The following SULT4A1 variants were observed in gnomAD, a reference collection of about 807,000 sequenced individuals.
The protein encoded by SULT4A1 is sulfotransferase 4A1.
A neutral mutation model predicts 35.2 loss-of-function variants in SULT4A1; 11 were observed. The observed-to-expected ratio is 0.31, with a 90% CI of 0.20 to 0.52. The LOEUF (loss-of-function observed/expected upper bound fraction) is 0.52, where lower values mean the gene tolerates loss of function less well. SULT4A1 is among the 20% of genes least tolerant of loss of function. The pLI is 0.97. For missense variants in SULT4A1, 271 were observed against 383.7 expected, an observed-to-expected ratio of 0.71 and a Z score of 2.45; for synonymous variants, 152 against 151.8, an observed-to-expected ratio of 1.00 and a Z score of -0.01.
At chr22:43,845,213 C>T (rs1392585008) in intron 1 of SULT4A1, among the ~76,000 whole-genome samples, 3 of 152,270 alleles carry the variant, frequency 2.0e-5, no homozygotes, top group East Asian at 3.9e-4. Context: ...CCGCCCTGAA[C>T]GTGGTGACAG....
intron 1 of SULT4A1, among the ~76,000 whole-genome samples, chr22:43,860,087 C>T (rs1272099098): frequency 1.3e-5 from 2 of 152,180 alleles, no homozygotes; most frequent in Non-Finnish European, 2.9e-5. Context: ...CCCAGTTTCT[C>T]CATCAGCAGA....
Position 43,825,830 on chromosome 22 carries a change from C to CT in SULT4A1, c.*170dup. ...GCACGTTCTAAAGGCGAGACAGCTG[C>CT]TTTCGGTTGGGAATCATCACACTCC... is the stretch of plus-strand genomic sequence containing the variant. On this transcript the variant is annotated 3_prime_UTR_variant, in exon 7 of 7. Coordinates refer to ENST00000330884, the MANE Select transcript of SULT4A1 (RefSeq NM_014351.4). 1 of 634,250 alleles carries CT rather than the reference C, an allele frequency of 1.6e-6. No homozygotes were observed. Among genetic ancestry groups the CT allele is most frequent in the Non-Finnish European group, 2.7e-6 (1 of 368,644 alleles). 39.3% of individuals were successfully genotyped at this position (634,250 alleles called of 1,614,324 possible).
intron 5 of SULT4A1, among the ~76,000 whole-genome samples, chr22:43,829,432 T>C (rs907980712): frequency 2.6e-5 from 4 of 152,198 alleles, no homozygotes; most frequent in Admixed American, 2.6e-4. Flanking sequence ...CTCCAGGGAA[T>C]TGGGTTGCAG....
At chr22:43,856,602 T>C (rs912564128) in intron 1 of SULT4A1, among the ~76,000 whole-genome samples, 1 of 151,612 alleles carries the variant, frequency 6.6e-6, no homozygotes, top group Non-Finnish European at 1.5e-5. Context: ...GGGGCAAGAG[T>C]GTGCAGACAA....
At chr22:43,851,989 T>C (rs1482123578) in intron 1 of SULT4A1, among the ~76,000 whole-genome samples, 1 of 152,066 alleles carries the variant, frequency 6.6e-6, no homozygotes, top group Non-Finnish European at 1.5e-5. Flanking sequence ...CACCACGCCC[T>C]CCTCTCCTGC....
rs778345327 is a variant in SULT4A1, at chr22:43,824,523, T to G, written c.*1478A>C. 5 of 152,056 alleles carry G rather than the reference T, an allele frequency of 3.3e-5. No individual in the cohort carries two copies. Among genetic ancestry groups the G allele is most frequent in the Non-Finnish European group, 7.3e-5 (5 of 68,048 alleles). The allele number at this position is 152,056 out of a possible 1,614,324, so 9.4% of individuals were successfully genotyped here. The stretch of plus-strand genomic sequence containing the variant: ...CTCGACGCAACGCCGGGAACATGTC[T>G]TTATTAAAGATGCAAGCAAGCACAG... On this transcript the variant is annotated 3_prime_UTR_variant, in exon 7 of 7. Coordinates refer to ENST00000330884, the MANE Select transcript of SULT4A1 (RefSeq NM_014351.4).
chr22:43,826,752 A>AAT (rs2063289441), intron 6 of SULT4A1: 1 of 985,484 alleles, frequency 1.0e-6, no homozygotes, highest in Non-Finnish European at 1.2e-6. Flanking sequence ...AAGTGAATCA[A>AAT]ATAGTCGCAG....
intron 1 of SULT4A1, among the ~76,000 whole-genome samples, chr22:43,844,455 C>A (rs890956928): frequency 6.6e-6 from 1 of 152,184 alleles, no homozygotes; most frequent in African/African-American, 2.4e-5. Context: ...AAATCAGCCA[C>A]GCGGCTGAGC....
At chr22:43,842,273 C>T (rs1050361912) in intron 1 of SULT4A1, among the ~76,000 whole-genome samples, 6 of 152,224 alleles carry the variant, frequency 3.9e-5, no homozygotes, top group South Asian at 2.1e-4. Flanking sequence ...TGGCAGTTTA[C>T]GCAGGAATGA....
intron 1 of SULT4A1, among the ~76,000 whole-genome samples, chr22:43,849,268 G>A (rs2063495619): frequency 6.6e-6 from 1 of 152,208 alleles, no homozygotes; most frequent in Non-Finnish European, 1.5e-5. Context: ...TTCACCAGTT[G>A]CACCTGTGAT....
chr22:43,835,224 C>A (rs921958629), intron 4 of SULT4A1, among the ~76,000 whole-genome samples: 2 of 152,250 alleles, frequency 1.3e-5, no homozygotes, highest in Admixed American at 6.5e-5. Flanking sequence ...CAGGCAGGGA[C>A]CAACTCATGG....
chr22:43,839,975 C>T lies in SULT4A1; in HGVS notation c.351G>A (p.Leu117=), dbSNP rs1473038369. The T allele has an allele frequency of 6.2e-7, 1 of 1,610,212 alleles. No homozygotes were observed. The change falls in exon 3 of 7, where the codon CTG becomes CTA. Residue 117 remains leucine, a synonymous_variant. Coordinates refer to ENST00000330884, the MANE Select transcript of SULT4A1 (RefSeq NM_014351.4). The part of the protein sequence containing the change: ...LIKSHLPYRF[L]PSDLHNGDSK... Reference sequence around the variant, plus strand: ...AGTCTCCATTGTGGAGGTCAGAGGGCAGAAAGCGGTAGGGCAGGTGGCTCT... The same window carrying T: ...AGTCTCCATTGTGGAGGTCAGAGGGTAGAAAGCGGTAGGGCAGGTGGCTCT...
chr22:43,845,390 G>A (rs1217811773), intron 1 of SULT4A1, among the ~76,000 whole-genome samples: 1 of 152,168 alleles, frequency 6.6e-6, no homozygotes, highest in South Asian at 2.1e-4. Flanking sequence ...TGTCTCCTCC[G>A]CAGCATCCGC....
chr22:43,827,489 A>C, intron 6 of SULT4A1: 1 of 1,303,242 alleles, frequency 7.7e-7, no homozygotes, highest in Non-Finnish European at 1.0e-6. Context: ...GAGACAGCTG[A>C]GAGCTCGTCA....
intron 1 of SULT4A1, among the ~76,000 whole-genome samples, chr22:43,843,949 G>A (rs2063453983): frequency 6.6e-6 from 1 of 152,188 alleles, no homozygotes; most frequent in Non-Finnish European, 1.5e-5. Context: ...CATCAGAACT[G>A]GGGGCAGTCT....
Position 43,829,430 on chromosome 22 carries a change from A to G in SULT4A1, c.604-232T>C, listed in dbSNP as rs372730646. ...GAATTCAAACCCTGGTCCTCCAGGG[A>G]ATTGGGTTGCAGACATGAGGTCTTA... On this transcript the variant is annotated intron_variant, in intron 5 of 6. Transcript: ENST00000330884. Among the ~76,000 whole-genome samples the G allele has an allele frequency of 3.9e-5, 6 of 152,284 alleles. 1 individual carries two copies. The highest frequency in any genetic ancestry group is 1.4e-4 in the African/African-American group (6 of 41,556).
chr22:43,835,433 C>G (rs1005554155), intron 4 of SULT4A1, among the ~76,000 whole-genome samples: 3 of 152,192 alleles, frequency 2.0e-5, no homozygotes, highest in African/African-American at 4.8e-5. Context: ...GGATGAGGAG[C>G]GCTGGCTGTA....
At chr22:43,847,030 C>T (rs1289273757) in intron 1 of SULT4A1, among the ~76,000 whole-genome samples, 1 of 152,154 alleles carries the variant, frequency 6.6e-6, no homozygotes, top group Non-Finnish European at 1.5e-5. Context: ...GCCAGAATAT[C>T]AGCCAAAGGA....
chr22:43,825,693 C>A lies in SULT4A1; in HGVS notation c.*308G>T. ...AAAAGCTCTATAAAATACAATAATACGGGGTTGAAAAGGCAGACATTCTAG... is the reference window on the plus strand; with the variant it reads ...AAAAGCTCTATAAAATACAATAATAAGGGGTTGAAAAGGCAGACATTCTAG... On this transcript the variant is annotated 3_prime_UTR_variant, in exon 7 of 7. Transcript: ENST00000330884. 6.4e-6 allele frequency: 1 copy of A among 156,306 alleles called. No homozygotes were observed. The highest frequency in any genetic ancestry group is 1.2e-5 in the Non-Finnish European group (1 of 82,728). 9.7% of individuals were successfully genotyped at this position (156,306 alleles called of 1,614,324 possible).
Sources: allele counts gnomAD v4.1 joint callset (sites outside exome capture counted in the v4.1 genomes callset), GRCh38; gene constraint gnomAD v4.1.1; transcripts MANE v1.5; gene names NCBI Gene and HGNC (gene_info 2026-07-23, HGNC 2026-07-21).